Variants in RFX4 observed in about 807,000 individuals in gnomAD.
RFX4 encodes transcription factor RFX4.
In RFX4, 10 loss-of-function variants were observed where a neutral mutation model predicts 95.0. The ratio of observed to expected loss-of-function variants is 0.11; its 90% CI spans 0.06 to 0.18. RFX4 has a LOEUF of 0.18. Among genes scored for constraint, RFX4 ranks in the 10% least tolerant of loss-of-function variants. The pLI is 1.00. For missense variants in RFX4, 640 were observed against 922.0 expected (o/e 0.69, Z 3.96); for synonymous variants, 321 against 340.7 (o/e 0.94, Z 0.64).
intron 2 of RFX4, among the ~76,000 whole-genome samples, chr12:106,629,840 C>G (rs1216070222): frequency 2.0e-5 from 3 of 152,120 alleles, no homozygotes; most frequent in Non-Finnish European, 4.4e-5. Context: ...CCTCAGCCTC[C>G]CAAAGTGTTG....
At chr12:106,661,099 C>T (rs2041062873) in intron 4 of RFX4, among the ~76,000 whole-genome samples, 2 of 152,136 alleles carry the variant, frequency 1.3e-5, no homozygotes, top group African/African-American at 4.8e-5. Flanking sequence ...AGGTTTTGAG[C>T]CCTGAACTTG....
At chr12:106,718,761 T>G (rs1171907573) in intron 11 of RFX4, among the ~76,000 whole-genome samples, 1 of 152,160 alleles carries the variant, frequency 6.6e-6, no homozygotes, top group Non-Finnish European at 1.5e-5. Context: ...AAGAGATGTT[T>G]CAAACTAGAG....
At chr12:106,740,722 G>A (rs2042790570) in intron 15 of RFX4, among the ~76,000 whole-genome samples, 1 of 152,186 alleles carries the variant, frequency 6.6e-6, no homozygotes, top group South Asian at 2.1e-4. Flanking sequence ...CCAGGTAAAG[G>A]TGTAATTTCA....
At chr12:106,713,230 C>G (rs760366212) in intron 10 of RFX4, among the ~76,000 whole-genome samples, 58 of 152,144 alleles carry the variant, frequency 3.8e-4, no homozygotes, top group Non-Finnish European at 6.5e-4. Context: ...GAAGACTCAC[C>G]TCAAATACTT....
intron 4 of RFX4, among the ~76,000 whole-genome samples, chr12:106,676,408 G>A (rs1225669753): frequency 1.3e-5 from 2 of 152,218 alleles, no homozygotes; most frequent in Non-Finnish European, 2.9e-5. Context: ...TGGTGTCTGA[G>A]TTTCAATCAA....
chr12:106,621,514 G>C (rs1045436889), intron 2 of RFX4, among the ~76,000 whole-genome samples: 10 of 152,176 alleles, frequency 6.6e-5, no homozygotes, highest in African/African-American at 2.2e-4. Context: ...CTTTGACCCA[G>C]CTTGGACTCC....
At chr12:106,703,037 G>A (rs1041694959) in intron 8 of RFX4, among the ~76,000 whole-genome samples, 2 of 152,146 alleles carry the variant, frequency 1.3e-5, no homozygotes, top group Non-Finnish European at 2.9e-5. Context: ...TACTCTCATG[G>A]TAGTTCATAT....
intron 4 of RFX4, among the ~76,000 whole-genome samples, chr12:106,664,051 C>A (rs1352026482): frequency 1.3e-5 from 2 of 151,530 alleles, no homozygotes; most frequent in African/African-American, 2.4e-5. Flanking sequence ...GATTTTGGTA[C>A]TAGGTAACAG....
chr12:106,674,560 A>C (rs2041355054), intron 4 of RFX4, among the ~76,000 whole-genome samples: 1 of 151,816 alleles, frequency 6.6e-6, no homozygotes, highest in Admixed American at 6.6e-5. Flanking sequence ...TGAACTCCTG[A>C]CCTTAGTGAT....
Position 106,762,104 on chromosome 12 carries a change from C to G in RFX4, c.*635C>G, listed in dbSNP as rs1295264739. The G allele has an allele frequency of 1.3e-5, 2 of 152,646 alleles. No homozygotes were observed. Among genetic ancestry groups the G allele is most frequent in the African/African-American group, 4.8e-5 (2 of 41,430 alleles). 9.5% of individuals were successfully genotyped at this position (152,646 alleles called of 1,614,324 possible). On this transcript the variant is annotated 3_prime_UTR_variant, in exon 18 of 18. Transcript: ENST00000392842. ...CCTGCATTGTCTTGGAATGTAAGCACTGTCTTGAGGGAAGGAAGAGGTCTG... is the reference window on the plus strand; with the variant it reads ...CCTGCATTGTCTTGGAATGTAAGCAGTGTCTTGAGGGAAGGAAGAGGTCTG...
rs151110723 is a variant in RFX4 at position 106,603,546 on chromosome 12, C to T, written c.44-5251C>T. ...ATGAATCAGGGGAAGGGATGCTTCA[C>T]AGCCCAGGAGCCTCTGCTCACGGCT... On this transcript the variant is annotated intron_variant, in intron 1 of 17. Coordinates refer to ENST00000392842, the MANE Select transcript of RFX4 (RefSeq NM_213594.3). 2.6e-4 allele frequency among the ~76,000 whole-genome samples: 40 copies of T among 152,382 alleles called. No individual in the cohort carries two copies. In the East Asian group the frequency reaches 7.1e-3, roughly 27 times the overall value.
chr12:106,725,746 A>C (rs1242108099), intron 13 of RFX4, among the ~76,000 whole-genome samples: 10 of 152,206 alleles, frequency 6.6e-5, no homozygotes, highest in East Asian at 3.8e-4. Context: ...AAGATAAAAG[A>C]AGCATAGAAA....
In RFX4 at chr12:106,720,655, G is replaced by A. The variant is rs1293441617; in HGVS notation, c.1234-104G>A. ...GCCCACCTTGGCCTCCCAAAGTGCT[G>A]GGATTACAGGCGTGAGCCACTTCAA... On this transcript the variant is annotated intron_variant, in intron 12 of 17. Coordinates refer to ENST00000392842, the MANE Select transcript of RFX4 (RefSeq NM_213594.3). The surrounding 1 kb of genome is among the most constrained non-coding windows in gnomAD (Gnocchi z 4.2). 1.8e-6 allele frequency: 2 copies of A among 1,125,392 alleles called. No homozygotes were observed. Among genetic ancestry groups the A allele is most frequent in the Non-Finnish European group, 2.7e-6 (2 of 748,038 alleles). 69.7% of individuals were successfully genotyped at this position (1,125,392 alleles called of 1,614,324 possible). A position where few individuals can be genotyped will look rare whatever the true frequency, so the allele number is the denominator to read the frequency against.
At chr12:106,622,038 G>T (rs1374422982) in intron 2 of RFX4, among the ~76,000 whole-genome samples, 3 of 152,130 alleles carry the variant, frequency 2.0e-5, no homozygotes, top group African/African-American at 7.2e-5. Context: ...CTGGAAGTCT[G>T]ATTATCAACA....
intron 15 of RFX4, among the ~76,000 whole-genome samples, chr12:106,735,961 G>A (rs781036443): frequency 6.6e-6 from 1 of 152,186 alleles, no homozygotes; most frequent in East Asian, 1.9e-4. Flanking sequence ...AGGCTTTATG[G>A]AGTGGAGGGC....
intron 4 of RFX4, among the ~76,000 whole-genome samples, chr12:106,656,429 C>T (rs2040958778): frequency 6.6e-6 from 1 of 152,144 alleles, no homozygotes; most frequent in Non-Finnish European, 1.5e-5. Context: ...AAACTCAGTA[C>T]CCACTTTGCT....
intron 1 of RFX4, 34 bp downstream of exon 1, chr12:106,583,397 T>G: frequency 6.5e-7 from 1 of 1,527,190 alleles, no homozygotes; most frequent in Non-Finnish European, 8.8e-7. Context: ...GGGGATACAT[T>G]GGGAGGGAAG....
rs895856979 is a variant in RFX4, at chr12:106,586,587, C to T, written c.43+3224C>T. On this transcript the variant is annotated intron_variant, in intron 1 of 17. Coordinates refer to ENST00000392842, the MANE Select transcript of RFX4 (RefSeq NM_213594.3). This position sits in a 1 kb window ranked among gnomAD's most constrained non-coding sequence, Gnocchi z 5.6. ...AGCTGGAGCTGGAAACTTCTGCCTC[C>T]ATCCACTTTCCGCTCCCATCTCCAG... Among the ~76,000 whole-genome samples, 1 of 152,130 alleles carries T rather than the reference C, an allele frequency of 6.6e-6. No homozygotes were observed. Among genetic ancestry groups the T allele is most frequent in the Non-Finnish European group, 1.5e-5 (1 of 68,028 alleles).
Position 106,608,835 on chromosome 12 carries a change from A to G in RFX4, c.82A>G (p.Lys28Glu), listed in dbSNP as rs756541192. 8.7e-6 allele frequency: 14 copies of G among 1,611,904 alleles called. No homozygotes were observed. The Admixed American group carries it at 1.3e-4, about 15-fold the overall frequency. Reference sequence around the variant, plus strand: ...AAGATGTCTCAACGAAAGTGAAAACAAACGTTATTCCAGCCACACATCTCT... The same window carrying G: ...AAGATGTCTCAACGAAAGTGAAAACGAACGTTATTCCAGCCACACATCTCT... ...IERCLNESEN[K>E]RYSSHTSLGN... Residue 28 changes from lysine (K) to glutamate (E), a missense_variant, in exon 2 of 18, where the codon AAA becomes GAA. Physicochemically the swap from Lys to Glu is moderately conservative, Grantham distance 56 (BLOSUM62 1). This residue lies in a region of RFX4 where 63 missense variants were observed against 68.8 expected (regional missense o/e 0.92). Transcript: ENST00000392842.
Sources: allele counts gnomAD v4.1 joint callset (sites outside exome capture counted in the v4.1 genomes callset), GRCh38; gene constraint gnomAD v4.1.1; regional missense constraint gnomAD v4.1.1; non-coding constraint Gnocchi (gnomAD v3.1); transcripts MANE v1.5; gene names NCBI Gene and HGNC (gene_info 2026-07-23, HGNC 2026-07-21).